CDH13: variants seen among roughly 807,000 people sequenced by gnomAD.
CDH13 encodes cadherin 13.
Under a neutral mutation model 63.8 loss-of-function variants are expected in CDH13, and 24 were observed. That is an observed-to-expected ratio of 0.38 (90% CI 0.27 to 0.53). The LOEUF is 0.53. CDH13 is among the 20% of genes least tolerant of loss of function. The probability of loss-of-function intolerance (pLI) is 0.85; values close to 1 mark genes in which losing one functional copy is unlikely to be tolerated. For synonymous variants in CDH13, 503 were observed against 355.3 expected, an observed-to-expected ratio of 1.42 and a Z score of -4.67; for missense variants, 1,049 against 903.1, an observed-to-expected ratio of 1.16 and a Z score of -2.07.
At chr16:83,539,402 C>T (rs2075258321) in intron 7 of CDH13, among the ~76,000 whole-genome samples, 3 of 152,180 alleles carry the variant, frequency 2.0e-5, no homozygotes, top group African/African-American at 4.8e-5. Flanking sequence ...CTGTGCGACT[C>T]GGTTCCTAAC....
intron 7 of CDH13, among the ~76,000 whole-genome samples, chr16:83,574,787 A>G (rs185200473): frequency 9.8e-5 from 15 of 152,304 alleles, no homozygotes; most frequent in African/African-American, 3.6e-4. Flanking sequence ...AATTTCACAT[A>G]CAACTTCTGG....
intron 2 of CDH13, among the ~76,000 whole-genome samples, chr16:82,920,015 C>T (rs750112443): frequency 6.6e-5 from 10 of 152,168 alleles, no homozygotes; most frequent in Non-Finnish European, 1.5e-4. Context: ...TGGGTGGGGT[C>T]ACGATCTTTG....
chr16:83,205,911 A>G (rs1336021682), intron 4 of CDH13, among the ~76,000 whole-genome samples: 1 of 152,102 alleles, frequency 6.6e-6, no homozygotes, highest in Non-Finnish European at 1.5e-5. Context: ...CCAAAGGAAA[A>G]CATCTTATTC....
chr16:83,534,879 A>G (rs2075153979), intron 7 of CDH13, among the ~76,000 whole-genome samples: 1 of 152,258 alleles, frequency 6.6e-6, no homozygotes, highest in South Asian at 2.1e-4. Flanking sequence ...ATTGATAATG[A>G]TCAAGGATTT....
chr16:82,792,160 A>C (rs1268593289), intron 1 of CDH13, among the ~76,000 whole-genome samples: 6 of 152,006 alleles, frequency 3.9e-5, no homozygotes, highest in Admixed American at 1.3e-4. Context: ...CGGTTCCTTG[A>C]CTTCATAGAC....
At chr16:83,687,317 T>C (rs1432266466) in intron 10 of CDH13, among the ~76,000 whole-genome samples, 1 of 152,188 alleles carries the variant, frequency 6.6e-6, no homozygotes, top group East Asian at 1.9e-4. Flanking sequence ...AATTGTCTCA[T>C]GGCTCTGCAG....
At position 83,044,781 on chromosome 16, in the gene CDH13, G is replaced by A. The variant is rs372478189; in HGVS notation, c.366+12563G>A. Among the ~76,000 whole-genome samples, 316 of 152,206 alleles carry A rather than the reference G, an allele frequency of 2.1e-3. 1 individual carries two copies. Among genetic ancestry groups the A allele is most frequent in the Middle Eastern group, 0.017 (5 of 294 alleles). On this transcript the variant is annotated intron_variant, in intron 3 of 13. Coordinates refer to ENST00000567109, the MANE Select transcript of CDH13 (RefSeq NM_001257.5). ...GAGTTGGTTGAGTGGCAGCCAGTGC[G>A]GCCATCCACAGGCTTTCCCAAGTGC...
At chr16:82,961,607 T>C (rs952721924) in intron 2 of CDH13, among the ~76,000 whole-genome samples, 10 of 149,156 alleles carry the variant, frequency 6.7e-5, no homozygotes, top group African/African-American at 1.0e-4. Context: ...CTACTGGTAC[T>C]TGGGCCTTAC....
At chr16:82,772,650 C>A (rs925922598) in intron 1 of CDH13, among the ~76,000 whole-genome samples, 1 of 152,194 alleles carries the variant, frequency 6.6e-6, no homozygotes, top group African/African-American at 2.4e-5. Context: ...TTTGGCTAAT[C>A]TTCATAGGAG....
intron 2 of CDH13, chr16:82,954,591 T>C (rs2151328646): frequency 6.6e-6 from 1 of 152,270 alleles, no homozygotes; most frequent in African/African-American, 2.4e-5. Flanking sequence ...AAATGAGCCC[T>C]TGTTCTTAGA....
chr16:83,486,712 A>G, intron 7 of CDH13, 57 bp downstream of exon 7: 1 of 1,528,066 alleles, frequency 6.5e-7, no homozygotes, highest in South Asian at 1.1e-5. Flanking sequence ...GCTTTCATGC[A>G]AGGGATGATG....
At chr16:83,623,597 T>G (rs1910011779) in intron 8 of CDH13, among the ~76,000 whole-genome samples, 1 of 152,156 alleles carries the variant, frequency 6.6e-6, no homozygotes. Flanking sequence ...TAGGAACAGG[T>G]GTCTTTGCTA....
At chr16:83,112,641 A>T (rs1352965327) in intron 3 of CDH13, among the ~76,000 whole-genome samples, 1 of 152,134 alleles carries the variant, frequency 6.6e-6, no homozygotes, top group Non-Finnish European at 1.5e-5. Flanking sequence ...TGAGTGTATT[A>T]TGTGTGTGTA....
intron 7 of CDH13, among the ~76,000 whole-genome samples, chr16:83,538,252 T>G (rs112806602): frequency 6.6e-6 from 1 of 152,352 alleles, no homozygotes; most frequent in African/African-American, 2.4e-5. Context: ...ATACATTTAT[T>G]TCTGGGTATG....
In CDH13 at chr16:83,590,788, G is replaced by T. The variant is rs115042072; in HGVS notation, c.961-11666G>T. 3.8e-3 allele frequency among the ~76,000 whole-genome samples: 579 copies of T among 152,016 alleles called. 2 individuals are homozygous for T. Among genetic ancestry groups the T allele is most frequent in the African/African-American group, 0.013 (559 of 41,440 alleles). On this transcript the variant is annotated intron_variant, in intron 7 of 13. Coordinates refer to ENST00000567109, the MANE Select transcript of CDH13 (RefSeq NM_001257.5). The stretch of plus-strand genomic sequence containing the variant: ...GTGCCCCTAAATCGACGACATCAGC[G>T]TCTCCAAGAAACTTGTGAGAAATTC...
chr16:83,470,600 T>C (rs748273403), intron 6 of CDH13, among the ~76,000 whole-genome samples: 3 of 152,148 alleles, frequency 2.0e-5, no homozygotes, highest in African/African-American at 4.8e-5. Flanking sequence ...GAGTGTAATA[T>C]GTCCACCCTA....
intron 1 of CDH13, chr16:82,825,564 CAG>C (rs2038205650): frequency 7.4e-6 from 1 of 135,372 alleles, no homozygotes; most frequent in South Asian, 2.3e-4. Flanking sequence ...TTTTCCCAAA[CAG>C]AGTCTCCCTC....
chr16:83,080,184 A>G (rs2033137607), intron 3 of CDH13, among the ~76,000 whole-genome samples: 3 of 152,084 alleles, frequency 2.0e-5, no homozygotes, highest in Admixed American at 6.6e-5. Flanking sequence ...CGGTTCATCC[A>G]TGGTGGGAAA....
intron 2 of CDH13, among the ~76,000 whole-genome samples, chr16:82,896,770 CTTTTTTTT>C (rs71382855): frequency 1.3e-4 from 7 of 55,552 alleles, no homozygotes; most frequent in East Asian, 7.1e-4. Flanking sequence ...CTGTGCAATT[CTTTTTTTT>C]TTTTTTTTTT....
Sources: allele counts gnomAD v4.1 joint callset (sites outside exome capture counted in the v4.1 genomes callset), GRCh38; gene constraint gnomAD v4.1.1; transcripts MANE v1.5; gene names NCBI Gene and HGNC (gene_info 2026-07-23, HGNC 2026-07-21).